Variants in TBCD observed in about 807,000 individuals in gnomAD.
TBCD encodes the protein tubulin folding cofactor D.
TBCD carries 105 observed loss-of-function variants against 169.3 expected under a neutral mutation model. The ratio of observed to expected loss-of-function variants is 0.62; its 90% confidence interval spans 0.53 to 0.73. TBCD has a LOEUF of 0.73. Ranked by LOEUF, TBCD falls within the 30% of genes least tolerant of loss-of-function variation. The probability of loss-of-function intolerance (pLI) is 0.00; values close to 1 mark genes in which losing one functional copy is unlikely to be tolerated. For synonymous variants in TBCD, 700 were observed against 643.9 expected, an observed-to-expected ratio of 1.09 and a Z score of -1.32; for missense variants, 1,444 against 1,600.1, an observed-to-expected ratio of 0.90 and a Z score of 1.66.
intron 12 of TBCD, among the ~76,000 whole-genome samples, chr17:82,809,985 C>T (rs1168974120): frequency 1.3e-5 from 2 of 152,098 alleles, no homozygotes; most frequent in Non-Finnish European, 2.9e-5. Flanking sequence ...TATTTAAAAA[C>T]CTTAAGGAAA....
In TBCD at chr17:82,893,544, T is replaced by C. The variant is rs967526299; in HGVS notation, c.1564-3T>C. On this transcript the variant is annotated splice_polypyrimidine_tract_variant and splice_region_variant and intron_variant, in intron 16 of 38. Transcript: ENST00000355528. Reference sequence around the variant, plus strand: ...TTTTCCCCCATTTCCACTTTCTTATTAGGGCACTTTCCCTCATGGTATTGA... The same window carrying C: ...TTTTCCCCCATTTCCACTTTCTTATCAGGGCACTTTCCCTCATGGTATTGA... 6.2e-7 allele frequency: 1 copy of C among 1,603,578 alleles called. No homozygotes were observed. Among genetic ancestry groups the C allele is most frequent in the Non-Finnish European group, 8.5e-7 (1 of 1,175,372 alleles).
At chr17:82,845,730 C>G (rs1370318928) in intron 13 of TBCD, among the ~76,000 whole-genome samples, 1 of 152,232 alleles carries the variant, frequency 6.6e-6, no homozygotes, top group Non-Finnish European at 1.5e-5. Context: ...CATCTTCACC[C>G]TTTGTGACTT....
rs1248170827 is a variant in TBCD, at chr17:82,930,818, T to C, written c.3113+175T>C. ...AAGATGTGCCTGCAGCATATGGTTC[T>C]CCGGGCGGCCAGGCCTCAGCCCCTG... On this transcript the variant is annotated intron_variant, in intron 33 of 38. Transcript: ENST00000355528. The surrounding 1 kb of genome is among the most constrained non-coding windows in gnomAD (Gnocchi z 5.2). 6.6e-6 allele frequency among the ~76,000 whole-genome samples: 1 copy of C among 152,208 alleles called. No homozygotes were observed. The highest frequency in any genetic ancestry group is 1.5e-5 in the Non-Finnish European group (1 of 68,024).
At chr17:82,900,762 CT>C (rs753929011) in intron 18 of TBCD, 31 bp downstream of exon 18, 141 of 1,522,972 alleles carry the variant, frequency 9.3e-5, no homozygotes, top group Admixed American at 8.2e-4. Context: ...TTTCTAAGAG[CT>C]TTTTTTCCCC....
At chr17:82,876,854 C>A (rs2058012464) in intron 14 of TBCD, 1 of 470,592 alleles carries the variant, frequency 2.1e-6, no homozygotes, top group Non-Finnish European at 2.8e-6. Context: ...GGTCTGTGTC[C>A]AAATTGCTGA....
chr17:82,837,529 A>G (rs1025013176), intron 13 of TBCD, among the ~76,000 whole-genome samples: 2 of 152,230 alleles, frequency 1.3e-5, no homozygotes, highest in African/African-American at 4.8e-5. Context: ...AGTTAATAAC[A>G]TGCCCGGAGA....
chr17:82,764,201 T>C, intron 3 of TBCD, 139 bp downstream of exon 3: 1 of 687,534 alleles, frequency 1.5e-6, no homozygotes, highest in Non-Finnish European at 2.4e-6. Context: ...CCCTTTTTAC[T>C]GTATGTTGGG....
rs2053660076 is a variant in TBCD at position 82,833,076 on chromosome 17, G to T, written c.1318+18142G>T. ...CAGGGCTGCCCGACTCTGCTTGGGGGTTACACGCTTGAAGCAGTGGGTGTG... is the reference window on the plus strand; with the variant it reads ...CAGGGCTGCCCGACTCTGCTTGGGGTTTACACGCTTGAAGCAGTGGGTGTG... On this transcript the variant is annotated intron_variant, in intron 13 of 38. Transcript: ENST00000355528. The surrounding 1 kb of genome is among the most constrained non-coding windows in gnomAD (Gnocchi z 4.7). 6.6e-6 allele frequency among the ~76,000 whole-genome samples: 1 copy of T among 152,064 alleles called. No homozygotes were observed. The highest frequency in any genetic ancestry group is 2.4e-5 in the African/African-American group (1 of 41,408).
intron 13 of TBCD, among the ~76,000 whole-genome samples, chr17:82,868,094 C>T (rs578143565): frequency 2.6e-5 from 4 of 152,216 alleles, no homozygotes; most frequent in South Asian, 2.1e-4. Context: ...GGAGGTGGTC[C>T]GGTCCTGTAG....
chr17:82,844,340 G>A (rs941859140), intron 13 of TBCD, among the ~76,000 whole-genome samples: 3 of 151,954 alleles, frequency 2.0e-5, no homozygotes, highest in Non-Finnish European at 4.4e-5. Context: ...CTGCAGGAGC[G>A]CCATGCCATG....
rs2053502680 is a variant in TBCD at position 82,831,444 on chromosome 17, A to G, written c.1318+16510A>G. 3 of 1,614,040 alleles carry G rather than the reference A, an allele frequency of 1.9e-6. No homozygotes were observed. The African/African-American group carries it at 4.0e-5, about 22-fold the overall frequency. On this transcript the variant is annotated intron_variant, in intron 13 of 38. Transcript: ENST00000355528. The surrounding 1 kb of genome is among the most constrained non-coding windows in gnomAD (Gnocchi z 4.6). ...TCTGATCTCGGGTGAGGCCAGTGACAGGTGGGAGTCTGAGACCATAGGAGG... is the reference window on the plus strand; with the variant it reads ...TCTGATCTCGGGTGAGGCCAGTGACGGGTGGGAGTCTGAGACCATAGGAGG...
chr17:82,925,841 C>A (rs2061698678), intron 27 of TBCD, among the ~76,000 whole-genome samples: 1 of 152,168 alleles, frequency 6.6e-6, no homozygotes, highest in African/African-American at 2.4e-5. Context: ...CAGCGTAGGA[C>A]AAAAGGGGGG....
intron 7 of TBCD, 148 bp downstream of exon 7, chr17:82,781,869 C>G: frequency 7.7e-7 from 1 of 1,303,204 alleles, no homozygotes; most frequent in South Asian, 1.5e-5. Flanking sequence ...GGGCAGTTTC[C>G]TTTTCCCTCT....
At chr17:82,763,874 G>A (rs1180031201) in intron 2 of TBCD, 91 bp from the exon 3 acceptor site, 2 of 1,076,404 alleles carry the variant, frequency 1.9e-6, no homozygotes, top group Admixed American at 2.1e-5. Context: ...CAAAGTGCTG[G>A]GAAAACAGGC....
chr17:82,807,897 G>A (rs1272795424), intron 11 of TBCD, among the ~76,000 whole-genome samples: 2 of 152,246 alleles, frequency 1.3e-5, no homozygotes, highest in Non-Finnish European at 2.9e-5. Context: ...TCACGAGCAG[G>A]CCGGGTTTAC....
intron 3 of TBCD, among the ~76,000 whole-genome samples, chr17:82,766,008 T>C (rs145107992): frequency 5.3e-5 from 8 of 152,300 alleles, no homozygotes; most frequent in African/African-American, 1.9e-4. Flanking sequence ...CAGGCTAGTC[T>C]CCAACTCTTG....
rs75242796 is a variant in TBCD, at chr17:82,927,172, A to G, written c.2472-14A>G. 1 of 1,613,954 alleles carries G rather than the reference A, an allele frequency of 6.2e-7. No individual in the cohort carries two copies. Among genetic ancestry groups the G allele is most frequent in the Admixed American group, 1.7e-5 (1 of 60,020 alleles). The stretch of plus-strand genomic sequence containing the variant: ...CCGATGTTTGTTTGTTAGCTCACAC[A>G]TTTTAAATTTCAGGATTTGCCAGAC... On this transcript the variant is annotated splice_polypyrimidine_tract_variant and intron_variant, in intron 28 of 38. Transcript: ENST00000355528.
chr17:82,891,770 G>A (rs1400385292), intron 16 of TBCD, among the ~76,000 whole-genome samples: 1 of 152,084 alleles, frequency 6.6e-6, no homozygotes, highest in South Asian at 2.1e-4. Flanking sequence ...CACAGAGGGG[G>A]CTGGGGGCAG....
intron 7 of TBCD, chr17:82,795,658 C>A: frequency 1.1e-6 from 1 of 949,634 alleles, no homozygotes; most frequent in Non-Finnish European, 1.3e-6. Flanking sequence ...TACTCCACAG[C>A]TGGTGGCATC....
Sources: allele counts gnomAD v4.1 joint callset (sites outside exome capture counted in the v4.1 genomes callset), GRCh38; gene constraint gnomAD v4.1.1; non-coding constraint Gnocchi (gnomAD v3.1); transcripts MANE v1.5; gene names NCBI Gene and HGNC (gene_info 2026-07-23, HGNC 2026-07-21).